Variants in ROR1 observed in about 807,000 individuals in gnomAD.
ROR1 encodes inactive tyrosine-protein kinase transmembrane receptor ROR1.
Under a neutral mutation model 78.8 loss-of-function variants are expected in ROR1, and 19 were observed. The ratio of observed to expected loss-of-function variants is 0.24; its 90% confidence interval spans 0.17 to 0.35. The LOEUF (loss-of-function observed/expected upper bound fraction) is 0.35, where lower values mean the gene tolerates loss of function less well. Among genes scored for constraint, ROR1 ranks in the 10% least tolerant of loss-of-function variants. The pLI, the probability that ROR1 is intolerant of heterozygous loss-of-function variation, is 1.00. For synonymous variants in ROR1, 386 were observed against 433.6 expected (o/e 0.89, Z 1.36); for missense variants, 917 against 1,177.8 (o/e 0.78, Z 3.24).
chr1:64,124,584 A>C (rs1158090388), intron 4 of ROR1, among the ~76,000 whole-genome samples: 2 of 152,162 alleles, frequency 1.3e-5, no homozygotes, highest in Non-Finnish European at 2.9e-5. Flanking sequence ...GAAGTGCACA[A>C]GTTTCTTGCA....
chr1:63,811,818 T>G (rs1252380262), intron 1 of ROR1, among the ~76,000 whole-genome samples: 1 of 151,962 alleles, frequency 6.6e-6, no homozygotes, highest in Non-Finnish European at 1.5e-5. Flanking sequence ...ACTCAGTGAG[T>G]GCATATGATT....
intron 8 of ROR1, among the ~76,000 whole-genome samples, chr1:64,176,474 T>G (rs2100745004): frequency 7.3e-6 from 1 of 136,892 alleles, no homozygotes; most frequent in East Asian, 2.2e-4. Context: ...TATCATCCCA[T>G]TTTATAGATG....
chr1:63,979,941 A>G (rs1345040334), intron 1 of ROR1, among the ~76,000 whole-genome samples: 1 of 152,186 alleles, frequency 6.6e-6, no homozygotes, highest in Non-Finnish European at 1.5e-5. Context: ...CTATTTGGGA[A>G]CAAAAGCATA....
At chr1:63,950,935 T>G (rs1045204440) in intron 1 of ROR1, among the ~76,000 whole-genome samples, 2 of 152,222 alleles carry the variant, frequency 1.3e-5, no homozygotes, top group Non-Finnish European at 2.9e-5. Context: ...TGGGAAAGGA[T>G]GATGAAAATA....
intron 1 of ROR1, among the ~76,000 whole-genome samples, chr1:63,975,572 C>T (rs945228692): frequency 3.9e-5 from 6 of 152,060 alleles, no homozygotes; most frequent in African/African-American, 9.7e-5. Context: ...TTTTCATGCC[C>T]GGAAGTATAA....
At chr1:63,891,688 C>T (rs942138735) in intron 1 of ROR1, among the ~76,000 whole-genome samples, 8 of 152,038 alleles carry the variant, frequency 5.3e-5, no homozygotes, top group Admixed American at 4.6e-4. Flanking sequence ...GCAGAGGGCC[C>T]GGTAGAACAG....
chr1:63,796,791 C>T (rs773750258), intron 1 of ROR1, among the ~76,000 whole-genome samples: 3 of 152,064 alleles, frequency 2.0e-5, no homozygotes, highest in Admixed American at 1.3e-4. Context: ...GTTGCAGAGT[C>T]GAGGTGACTG....
chr1:63,994,737 C>A (rs968561922), intron 1 of ROR1, among the ~76,000 whole-genome samples: 1 of 152,232 alleles, frequency 6.6e-6, no homozygotes, highest in Non-Finnish European at 1.5e-5. Context: ...CCTCCGTCAT[C>A]CCTGACTGAA....
At chr1:63,885,557 G>C (rs1359247598) in intron 1 of ROR1, among the ~76,000 whole-genome samples, 1 of 152,128 alleles carries the variant, frequency 6.6e-6, no homozygotes, top group Non-Finnish European at 1.5e-5. Context: ...ACAGATGCCT[G>C]TGCCCTGAAG....
chr1:64,058,603 T>TTC (rs1216620422), intron 4 of ROR1, among the ~76,000 whole-genome samples: 2 of 151,258 alleles, frequency 1.3e-5, no homozygotes, highest in Non-Finnish European at 2.9e-5. Flanking sequence ...GTGGGTTTTT[T>TTC]TTTGTCCTTT....
chr1:64,107,496 C>G (rs1647871737), intron 4 of ROR1, among the ~76,000 whole-genome samples: 1 of 152,150 alleles, frequency 6.6e-6, no homozygotes, highest in South Asian at 2.1e-4. Flanking sequence ...CTGTTCCATC[C>G]TTGTGATCAT....
intron 4 of ROR1, among the ~76,000 whole-genome samples, chr1:64,132,846 T>C (rs1648970863): frequency 6.6e-6 from 1 of 152,002 alleles, no homozygotes; most frequent in African/African-American, 2.4e-5. Context: ...GGACCAAATT[T>C]GTCAGTACCG....
At chr1:63,836,583 G>A (rs909059860) in intron 1 of ROR1, among the ~76,000 whole-genome samples, 3 of 152,176 alleles carry the variant, frequency 2.0e-5, no homozygotes, top group African/African-American at 7.2e-5. Flanking sequence ...TAAACAGAAA[G>A]AGGAACAGAC....
At chr1:63,839,790 A>G (rs890153490) in intron 1 of ROR1, among the ~76,000 whole-genome samples, 5 of 151,978 alleles carry the variant, frequency 3.3e-5, no homozygotes, top group African/African-American at 1.2e-4. Flanking sequence ...GTCTTTATAG[A>G]TATTGTTTTT....
intron 6 of ROR1, 121 bp downstream of exon 6, chr1:64,140,547 G>A: frequency 1.2e-6 from 1 of 858,298 alleles, no homozygotes; most frequent in South Asian, 1.8e-5. Flanking sequence ...TTTCCAATGG[G>A]CTGAGTACTG....
intron 1 of ROR1, among the ~76,000 whole-genome samples, chr1:63,990,231 G>A (rs1646284424): frequency 6.6e-6 from 1 of 152,114 alleles, no homozygotes; most frequent in Non-Finnish European, 1.5e-5. Flanking sequence ...GTTGCTGAAG[G>A]GAATACCTAA....
chr1:63,797,470 GAGTCCGGAGGACTTTCAAA>G (rs1218926399), intron 1 of ROR1, among the ~76,000 whole-genome samples: 1 of 152,196 alleles, frequency 6.6e-6, no homozygotes, highest in Non-Finnish European at 1.5e-5. Flanking sequence ...CAGACTATCA[GAGTCCGGAGGACTTTCAAA>G]AGCATGCAGG....
intron 1 of ROR1, among the ~76,000 whole-genome samples, chr1:63,779,503 A>G (rs1296825812): frequency 6.6e-6 from 1 of 152,090 alleles, no homozygotes; most frequent in Non-Finnish European, 1.5e-5. Flanking sequence ...AGAGTCTGAG[A>G]AAGTTCTCTG....
chr1:64,129,455 A>T (rs1286611954), intron 4 of ROR1, among the ~76,000 whole-genome samples: 1 of 152,210 alleles, frequency 6.6e-6, no homozygotes, highest in Non-Finnish European at 1.5e-5. Context: ...GGTGGTTTGA[A>T]TGCCTGATAT....
Sources: gnomAD v4.1 joint callset for allele counts (sites outside exome capture counted in the v4.1 genomes callset) on GRCh38, gnomAD v4.1.1 for gene constraint, MANE v1.5 for transcripts, NCBI Gene and HGNC (gene_info 2026-07-23, HGNC 2026-07-21) for gene names.